Variants in TXNDC12 observed in about 807,000 individuals in gnomAD.
TXNDC12 encodes thioredoxin domain containing 12.
Under a neutral mutation model 24.2 loss-of-function variants are expected in TXNDC12, and 22 were observed. The observed-to-expected ratio is 0.91, with a 90% CI of 0.65 to 1.30. The LOEUF is 1.30. Ranked by LOEUF, TXNDC12 falls within the 50% of genes most tolerant of loss-of-function variation. The pLI, the probability that TXNDC12 is intolerant of heterozygous loss-of-function variation, is 0.00. For missense variants in TXNDC12, 184 were observed against 205.8 expected, an observed-to-expected ratio of 0.89 and a Z score of 0.65; for synonymous variants, 58 against 73.4, an observed-to-expected ratio of 0.79 and a Z score of 1.07.
intron 2 of TXNDC12, chr1:52,033,459 C>T (rs1296663253): frequency 2.5e-6 from 4 of 1,612,958 alleles, no homozygotes; most frequent in Non-Finnish European, 3.4e-6. Context: ...CCAGGCAGAG[C>T]GGGGTGCGCG....
intron 2 of TXNDC12, chr1:52,032,266 T>C (rs1248733606): frequency 2.0e-6 from 2 of 990,388 alleles, no homozygotes; most frequent in Non-Finnish European, 2.4e-6. Flanking sequence ...AAAAAATACT[T>C]TTGTGGTATG....
intron 1 of TXNDC12, among the ~76,000 whole-genome samples, chr1:52,050,428 C>T (rs1686180047): frequency 6.6e-6 from 1 of 152,158 alleles, no homozygotes; most frequent in Admixed American, 6.5e-5. Flanking sequence ...TACCCTATAA[C>T]ATTAATTTTT....
chr1:52,047,115 A>G (rs1686110413), intron 1 of TXNDC12, among the ~76,000 whole-genome samples: 1 of 152,100 alleles, frequency 6.6e-6, no homozygotes, highest in South Asian at 2.1e-4. Context: ...GATAGGAAAA[A>G]GGGGTAATAC....
At chr1:52,046,862 AAAAAAT>A (rs750253464) in intron 1 of TXNDC12, among the ~76,000 whole-genome samples, 57,437 of 108,002 alleles carry the variant, frequency 0.53, 14,352 homozygotes, top group East Asian at 0.64. Context: ...CTAAAAAAAA[AAAAAAT>A]ATATATATAT....
At chr1:52,049,817 C>T (rs573443866) in intron 1 of TXNDC12, among the ~76,000 whole-genome samples, 88 of 151,806 alleles carry the variant, frequency 5.8e-4, no homozygotes, top group African/African-American at 1.8e-3. Context: ...GGATTATAGG[C>T]GTGAGCCACT....
intron 6 of TXNDC12, among the ~76,000 whole-genome samples, chr1:52,021,488 G>A (rs555856153): frequency 3.3e-5 from 5 of 150,208 alleles, no homozygotes; most frequent in African/African-American, 4.9e-5. Context: ...GTGCTGGGGC[G>A]GGGGTGTCTC....
intron 2 of TXNDC12, among the ~76,000 whole-genome samples, chr1:52,034,880 C>T (rs1685853667): frequency 6.6e-6 from 1 of 152,188 alleles, no homozygotes. Flanking sequence ...TCTCCTGTCT[C>T]AGCCTCCCAA....
At chr1:52,054,132 A>G (rs550938864) in intron 1 of TXNDC12, among the ~76,000 whole-genome samples, 2 of 152,232 alleles carry the variant, frequency 1.3e-5, no homozygotes, top group Non-Finnish European at 2.9e-5. Context: ...CTTATTACTC[A>G]CCAATAGATG....
At chr1:52,047,434 A>G (rs1382556997) in intron 1 of TXNDC12, among the ~76,000 whole-genome samples, 2 of 152,186 alleles carry the variant, frequency 1.3e-5, no homozygotes, top group Non-Finnish European at 2.9e-5. Context: ...CCTAGGAGAG[A>G]ATCAGAGAAA....
chr1:52,033,318 G>A (rs769693907), intron 2 of TXNDC12: 1 of 1,613,766 alleles, frequency 6.2e-7, no homozygotes, highest in Non-Finnish European at 8.5e-7. Context: ...GGACGCTGCT[G>A]CCCGCCGCCT....
chr1:52,055,189 A>T lies in TXNDC12; in HGVS notation c.-93T>A, dbSNP rs1160080107. 5.3e-6 allele frequency: 4 copies of T among 750,606 alleles called. No homozygotes were observed. Among genetic ancestry groups the T allele is most frequent in the Non-Finnish European group, 9.2e-6 (4 of 434,590 alleles). The allele number at this position is 750,606 out of a possible 1,614,324, so 46.5% of individuals were successfully genotyped here. On this transcript the variant is annotated 5_prime_UTR_variant, in exon 1 of 7. Coordinates refer to ENST00000371626, the MANE Select transcript of TXNDC12 (RefSeq NM_015913.4). ...CAGTTCGCCGAGCGCCGCTCAGCAC[A>T]ACACCTCTACTTCCCAGATTTTTTT...
At chr1:52,053,888 CTTA>C (rs1686269369) in intron 1 of TXNDC12, among the ~76,000 whole-genome samples, 1 of 152,156 alleles carries the variant, frequency 6.6e-6, no homozygotes, top group Admixed American at 6.5e-5. Flanking sequence ...CCATCACAGT[CTTA>C]TTGTTTTCCC....
chr1:52,049,363 G>A (rs879810216), intron 1 of TXNDC12, among the ~76,000 whole-genome samples: 2 of 152,056 alleles, frequency 1.3e-5, no homozygotes, highest in Non-Finnish European at 1.5e-5. Context: ...AGGCTGAGGC[G>A]GGTGGATCAC....
At chr1:52,026,193 T>G (rs1038942447) in intron 4 of TXNDC12, among the ~76,000 whole-genome samples, 1 of 152,086 alleles carries the variant, frequency 6.6e-6, no homozygotes, top group Non-Finnish European at 1.5e-5. Context: ...TCTGAGTACC[T>G]CACATGTGAA....
chr1:52,025,281 C>A (rs762767399), intron 4 of TXNDC12, among the ~76,000 whole-genome samples: 108 of 151,048 alleles, frequency 7.2e-4, no homozygotes, highest in Non-Finnish European at 1.3e-3. Context: ...TGCAGTTGTG[C>A]GATCTCGGCC....
intron 2 of TXNDC12, among the ~76,000 whole-genome samples, chr1:52,036,590 T>A (rs1289538042): frequency 6.6e-6 from 1 of 152,206 alleles, no homozygotes; most frequent in Non-Finnish European, 1.5e-5. Flanking sequence ...TTTGTTGCTT[T>A]TTCATTTCTC....
At chr1:52,049,577 CTG>C (rs1412944804) in intron 1 of TXNDC12, among the ~76,000 whole-genome samples, 1 of 152,176 alleles carries the variant, frequency 6.6e-6, no homozygotes, top group East Asian at 1.9e-4. Context: ...CAGAGCAAGA[CTG>C]TCTCAACAAC....
chr1:52,045,656 T>C (rs1686077715), intron 1 of TXNDC12, among the ~76,000 whole-genome samples: 1 of 152,246 alleles, frequency 6.6e-6, no homozygotes, highest in Non-Finnish European at 1.5e-5. Context: ...TATGTTATTA[T>C]ACATTTGTCA....
intron 4 of TXNDC12, among the ~76,000 whole-genome samples, chr1:52,024,857 C>T (rs1399250111): frequency 6.6e-6 from 1 of 152,222 alleles, no homozygotes; most frequent in Non-Finnish European, 1.5e-5. Context: ...CTGCTGAACA[C>T]ACTTTCCCCA....
Sources: allele counts gnomAD v4.1 joint callset (sites outside exome capture counted in the v4.1 genomes callset), GRCh38; gene constraint gnomAD v4.1.1; transcripts MANE v1.5; gene names NCBI Gene and HGNC (gene_info 2026-07-23, HGNC 2026-07-21).